Variants in TBCK observed in about 807,000 individuals in gnomAD.
TBCK encodes the protein TBC domain-containing protein kinase-like protein.
TBCK carries 99 observed loss-of-function variants against 113.4 expected under a neutral mutation model. The observed-to-expected ratio is 0.87, with a 90% CI of 0.74 to 1.03. TBCK has a LOEUF of 1.03. TBCK is among the 50% of genes least tolerant of loss of function. The pLI is 0.00. For synonymous variants in TBCK, 369 were observed against 370.8 expected (o/e 1.00, Z 0.05); for missense variants, 1,045 against 1,061.3 (o/e 0.98, Z 0.21).
At chr4:106,215,484 A>C (rs887988865) in intron 19 of TBCK, among the ~76,000 whole-genome samples, 2 of 152,186 alleles carry the variant, frequency 1.3e-5, no homozygotes, top group Non-Finnish European at 2.9e-5. Context: ...TCACGTGCAG[A>C]GACACACATA....
At chr4:106,207,854 G>A (rs900365640) in intron 20 of TBCK, among the ~76,000 whole-genome samples, 1 of 152,028 alleles carries the variant, frequency 6.6e-6, no homozygotes, top group African/African-American at 2.4e-5. Context: ...GTTGTAGATG[G>A]GACTCTTCTT....
chr4:106,175,148 A>G (rs186599727), intron 22 of TBCK, among the ~76,000 whole-genome samples: 22 of 150,690 alleles, frequency 1.5e-4, no homozygotes, highest in African/African-American at 5.1e-4. Flanking sequence ...AAAAAAAAAG[A>G]AAAAAAAATC....
intron 5 of TBCK, chr4:106,255,010 TTTAA>T (rs1309392998): frequency 3.1e-6 from 1 of 323,682 alleles, no homozygotes; most frequent in African/African-American, 2.2e-5. Context: ...CTACATACAT[TTTAA>T]AACTATCTTG....
chr4:106,273,470 T>A (rs997853318), intron 3 of TBCK, among the ~76,000 whole-genome samples: 8 of 152,216 alleles, frequency 5.3e-5, no homozygotes, highest in African/African-American at 1.7e-4. Flanking sequence ...TATTTGCTGG[T>A]TAGCTTGTCT....
chr4:106,175,298 A>C (rs79909961), intron 22 of TBCK, among the ~76,000 whole-genome samples: 1 of 151,518 alleles, frequency 6.6e-6, no homozygotes, highest in Admixed American at 6.6e-5. Context: ...AGCTTTCCTC[A>C]GAGATTTTGT....
intron 25 of TBCK, among the ~76,000 whole-genome samples, chr4:106,073,531 C>T (rs1311199106): frequency 2.0e-5 from 3 of 152,314 alleles, no homozygotes; most frequent in South Asian, 2.1e-4. Context: ...TGTCAGTCAG[C>T]CCCTACTGGG....
intron 24 of TBCK, among the ~76,000 whole-genome samples, chr4:106,098,475 T>A (rs1578885874): frequency 6.6e-6 from 1 of 152,158 alleles, no homozygotes; most frequent in East Asian, 1.9e-4. Flanking sequence ...TTGGTTAGGT[T>A]TTGGCAAAAG....
At position 106,230,446 on chromosome 4, in the gene TBCK, G is replaced by A; in HGVS notation, c.1691C>T (p.Ala564Val). The A allele has an allele frequency of 6.3e-7, 1 of 1,591,388 alleles. No individual in the cohort carries two copies. Among genetic ancestry groups the A allele is most frequent in the Non-Finnish European group, 8.6e-7 (1 of 1,164,996 alleles). The change falls in exon 19 of 26, where the codon GCC becomes GTC. Residue 564 changes from alanine to valine, a missense_variant and splice_region_variant. Coordinates refer to ENST00000394708, the MANE Select transcript of TBCK (RefSeq NM_001163435.3). ...PFLYLNFNNE[A>V]LAYACMSAFI... ...AGCAGACATACATGCATAAGCCAAG[G>A]CTAAAAGAGAATAAGGCAAAGGCAT...
chr4:106,203,663 C>T (rs932347438), intron 20 of TBCK, among the ~76,000 whole-genome samples: 1 of 149,686 alleles, frequency 6.7e-6, no homozygotes, highest in Non-Finnish European at 1.5e-5. Context: ...ACAAGAAAAT[C>T]ACTCAGATAA....
At chr4:106,304,429 C>T (rs1418433942) in intron 2 of TBCK, among the ~76,000 whole-genome samples, 1 of 152,162 alleles carries the variant, frequency 6.6e-6, no homozygotes, top group Non-Finnish European at 1.5e-5. Context: ...TTCATCTAGA[C>T]AACAGATTGT....
At chr4:106,090,634 A>T (rs1235231517) in intron 25 of TBCK, among the ~76,000 whole-genome samples, 1 of 152,176 alleles carries the variant, frequency 6.6e-6, no homozygotes, top group African/African-American at 2.4e-5. Context: ...TATATGACTT[A>T]GGGTGTTAGA....
chr4:106,133,949 G>A (rs1481767323), intron 23 of TBCK, among the ~76,000 whole-genome samples: 4 of 152,076 alleles, frequency 2.6e-5, no homozygotes, highest in African/African-American at 4.8e-5. Context: ...GGTGGAGGCT[G>A]CAGTGAATGC....
intron 25 of TBCK, among the ~76,000 whole-genome samples, chr4:106,079,011 A>C (rs1275475357): frequency 6.6e-6 from 1 of 152,226 alleles, no homozygotes; most frequent in African/African-American, 2.4e-5. Flanking sequence ...GATTCACTAC[A>C]TAAACAAAAT....
intron 2 of TBCK, among the ~76,000 whole-genome samples, chr4:106,295,502 T>C (rs1766204743): frequency 1.3e-5 from 2 of 152,152 alleles, no homozygotes; most frequent in South Asian, 4.1e-4. Flanking sequence ...TAGATGAATA[T>C]ATAAAGAATT....
At chr4:106,253,655 A>C (rs1290342244) in intron 5 of TBCK, among the ~76,000 whole-genome samples, 1 of 152,216 alleles carries the variant, frequency 6.6e-6, no homozygotes, top group Non-Finnish European at 1.5e-5. Context: ...CTGGTATATA[A>C]AATCTATTGT....
chr4:106,208,920 G>C lies in TBCK; in HGVS notation c.1860+3830C>G, dbSNP rs547707966. 3.9e-5 allele frequency among the ~76,000 whole-genome samples: 6 copies of C among 152,294 alleles called. No individual in the cohort carries two copies. The South Asian group carries it at 1.2e-3, about 32-fold the overall frequency. ...TCATCCAGACGCCGGCTCCCAAGGT[G>C]GAAGTAGGTCATGGCATGCCTGGCT... On this transcript the variant is annotated intron_variant, in intron 20 of 25. Transcript: ENST00000394708.
rs565925695 is a variant in TBCK at position 106,230,570 on chromosome 4, T to G, written c.1691-124A>C. 5 of 441,386 alleles carry G rather than the reference T, an allele frequency of 1.1e-5. No homozygotes were observed. The Admixed American group carries it at 1.6e-4, about 14-fold the overall frequency. The allele number at this position is 441,386 out of a possible 1,614,324, so 27.3% of individuals were successfully genotyped here. A position where few individuals can be genotyped will look rare whatever the true frequency, so the allele number is the denominator to read the frequency against. On this transcript the variant is annotated intron_variant, in intron 18 of 25. Transcript: ENST00000394708. ...TTAAATAACAGTTATGATAGCCAAG[T>G]GCTAGAAAAACAAAATTAAGAGATA...
At chr4:106,111,960 T>G (rs1331046457) in intron 24 of TBCK, among the ~76,000 whole-genome samples, 2 of 152,194 alleles carry the variant, frequency 1.3e-5, no homozygotes, top group Non-Finnish European at 2.9e-5. Context: ...GGTATTTAAC[T>G]CCTGCAGCAC....
intron 20 of TBCK, among the ~76,000 whole-genome samples, chr4:106,205,372 T>C (rs538104921): frequency 1.3e-4 from 19 of 151,298 alleles, no homozygotes; most frequent in Middle Eastern, 6.8e-3. Context: ...AATTGCAAGA[T>C]AGAGTGATGG....
Sources: allele counts gnomAD v4.1 joint callset (sites outside exome capture counted in the v4.1 genomes callset), GRCh38; gene constraint gnomAD v4.1.1; transcripts MANE v1.5; gene names NCBI Gene and HGNC (gene_info 2026-07-23, HGNC 2026-07-21).